NREP: variants seen among roughly 807,000 people sequenced by gnomAD.
The protein encoded by NREP is neuronal regeneration-related protein.
A neutral mutation model predicts 8.6 loss-of-function variants in NREP; 5 were observed. That is an observed-to-expected ratio of 0.58 (90% CI 0.30 to 1.22). NREP has a LOEUF of 1.22. Ranked by LOEUF, NREP falls within the 50% of genes most tolerant of loss-of-function variation. NREP has a pLI of 0.07. For missense variants in NREP, 86 were observed against 82.5 expected (o/e 1.04, Z -0.17); for synonymous variants, 27 against 28.0 (o/e 0.96, Z 0.11).
intron 2 of NREP, among the ~76,000 whole-genome samples, chr5:111,742,960 G>C (rs1382557880): frequency 6.6e-6 from 1 of 152,142 alleles, no homozygotes; most frequent in Admixed American, 6.6e-5. Flanking sequence ...GAGCCAAACT[G>C]TGGACTGGAC....
At chr5:111,938,757 T>C (rs1581234908) in intron 2 of NREP, among the ~76,000 whole-genome samples, 1 of 152,180 alleles carries the variant, frequency 6.6e-6, no homozygotes, top group South Asian at 2.1e-4. Context: ...AGCTGGTGAA[T>C]ACTAGCTACC....
intron 2 of NREP, among the ~76,000 whole-genome samples, chr5:111,864,067 A>G (rs965430691): frequency 3.3e-5 from 5 of 152,162 alleles, no homozygotes; most frequent in African/African-American, 1.2e-4. Flanking sequence ...AACTGTCAAG[A>G]AGGAGAACTG....
chr5:111,768,326 TGCTTTTGTTGTTTG>T (rs377607646), intron 2 of NREP, among the ~76,000 whole-genome samples: 4 of 152,320 alleles, frequency 2.6e-5, no homozygotes, highest in African/African-American at 4.8e-5. Flanking sequence ...AAGCACATCT[TGCTTTTGTTGTTTG>T]GCTTTTGTTG....
At chr5:111,869,173 T>C (rs1267386562) in intron 2 of NREP, among the ~76,000 whole-genome samples, 1 of 152,166 alleles carries the variant, frequency 6.6e-6, no homozygotes, top group African/African-American at 2.4e-5. Context: ...CATACAGATA[T>C]AGAAGTAGAT....
intron 2 of NREP, among the ~76,000 whole-genome samples, chr5:111,876,273 G>C (rs1184372231): frequency 6.6e-6 from 1 of 152,076 alleles, no homozygotes; most frequent in East Asian, 1.9e-4. Context: ...ATAATTTCTA[G>C]GGCTGCTTTT....
At chr5:111,818,048 T>C (rs913343569) in intron 2 of NREP, among the ~76,000 whole-genome samples, 23 of 152,266 alleles carry the variant, frequency 1.5e-4, no homozygotes, top group African/African-American at 5.5e-4. Flanking sequence ...TTAATTATTA[T>C]GGTATACCCA....
At chr5:111,759,625 C>A (rs1025898884), upstream of NREP, among the ~76,000 whole-genome samples, 11 of 152,036 alleles carry the variant, frequency 7.2e-5, no homozygotes, top group Non-Finnish European at 1.3e-4. Flanking sequence ...GGGTCAGATT[C>A]ATAGCTTATT....
upstream of NREP, among the ~76,000 whole-genome samples, chr5:111,760,352 C>G (rs529038426): frequency 6.6e-6 from 1 of 152,302 alleles, no homozygotes; most frequent in African/African-American, 2.4e-5. Context: ...AAAGAGGTAG[C>G]CTCCCTTGAG....
At chr5:111,757,909 G>T, upstream of NREP, 1 of 985,308 alleles carries the variant, frequency 1.0e-6, no homozygotes, top group Non-Finnish European at 1.2e-6. Context: ...CAGGGCCGTG[G>T]GGAGAGGCGG....
At chr5:111,738,495 C>T (rs1749357120) in intron 2 of NREP, 1 of 152,218 alleles carries the variant, frequency 6.6e-6, no homozygotes, top group Non-Finnish European at 1.5e-5. Flanking sequence ...GGTGCTACTT[C>T]TGGCAGTCAG....
chr5:111,850,007 C>T (rs191946042), intron 2 of NREP, among the ~76,000 whole-genome samples: 1 of 152,186 alleles, frequency 6.6e-6, no homozygotes, highest in South Asian at 2.1e-4. Context: ...CCTGAACCAT[C>T]TAACACTGTC....
At chr5:111,959,150 A>C (rs996592637) in intron 2 of NREP, among the ~76,000 whole-genome samples, 3 of 152,032 alleles carry the variant, frequency 2.0e-5, no homozygotes. Context: ...AAGTTGCCAA[A>C]AAAAGCAAAA....
intron 2 of NREP, chr5:111,846,531 C>G (rs1753179813): frequency 6.8e-6 from 1 of 146,256 alleles, no homozygotes; most frequent in Admixed American, 7.2e-5. Context: ...ATCTCTTGGG[C>G]TCTTCCTTTA....
chr5:111,731,626 T>C (rs1161887933), intron 3 of NREP, among the ~76,000 whole-genome samples: 1 of 152,116 alleles, frequency 6.6e-6, no homozygotes, highest in Non-Finnish European at 1.5e-5. Flanking sequence ...AGAGAAATGA[T>C]GTGAGGGTGC....
chr5:111,881,605 C>G (rs1754073320), intron 2 of NREP, among the ~76,000 whole-genome samples: 1 of 152,166 alleles, frequency 6.6e-6, no homozygotes, highest in African/African-American at 2.4e-5. Flanking sequence ...TGACACCTCA[C>G]ACGACCGGGT....
At chr5:111,887,868 C>T (rs1213303770) in intron 2 of NREP, among the ~76,000 whole-genome samples, 1 of 152,166 alleles carries the variant, frequency 6.6e-6, no homozygotes. Context: ...CCCACAGCCA[C>T]CTAGTTGACT....
At chr5:111,775,004 A>C (rs1751323162) in intron 2 of NREP, among the ~76,000 whole-genome samples, 1 of 152,192 alleles carries the variant, frequency 6.6e-6, no homozygotes, top group African/African-American at 2.4e-5. Context: ...TGCTCTTATG[A>C]TGTGAGGAGA....
At chr5:111,757,288 G>C (rs1750784288), upstream of NREP, 1 of 576,334 alleles carries the variant, frequency 1.7e-6, no homozygotes, top group Admixed American at 6.4e-5. Flanking sequence ...AGGAAGAGGA[G>C]GGAGGAGGGG....
At chr5:111,923,273 T>C (rs774580928) in intron 2 of NREP, among the ~76,000 whole-genome samples, 8 of 152,202 alleles carry the variant, frequency 5.3e-5, no homozygotes, top group Non-Finnish European at 1.0e-4. Flanking sequence ...GGGTGACTAC[T>C]GCATACCCTG....
Sources: gnomAD v4.1 joint callset for allele counts (sites outside exome capture counted in the v4.1 genomes callset) on GRCh38, gnomAD v4.1.1 for gene constraint, MANE v1.5 for transcripts, NCBI Gene and HGNC (gene_info 2026-07-23, HGNC 2026-07-21) for gene names.